Variants in IDI1 observed in about 807,000 individuals in gnomAD.
IDI1 encodes the protein isopentenyl-diphosphate delta isomerase 1, also known as isopentenyl-diphosphate Delta-isomerase 1.
Under a neutral mutation model 32.9 loss-of-function variants are expected in IDI1, and 23 were observed. The ratio of observed to expected loss-of-function variants is 0.70; its 90% CI spans 0.50 to 0.99. The LOEUF (loss-of-function observed/expected upper bound fraction) is 0.99. IDI1 is among the 50% of genes least tolerant of loss of function. IDI1 has a pLI of 0.00. For synonymous variants in IDI1, 133 were observed against 128.2 expected (o/e 1.04, Z -0.25); for missense variants, 326 against 351.9 (o/e 0.93, Z 0.59).
upstream of IDI1, among the ~76,000 whole-genome samples, chr10:1,051,052 CT>C (rs1832998198): frequency 1.3e-5 from 2 of 152,262 alleles, no homozygotes; most frequent in Admixed American, 1.3e-4. Context: ...ACATTTTGTA[CT>C]TGTTACATTA....
chr10:1,041,455 T>G lies in IDI1; in HGVS notation c.587A>C (p.Gln196Pro), dbSNP rs750432879. Residue 196 changes from glutamine (Q) to proline (P), a missense_variant, in exon 5 of 5, where the codon CAG becomes CCG. This residue lies in a region of IDI1 where 205 missense variants were observed against 273.5 expected (regional missense o/e 0.75). Coordinates refer to ENST00000381344, the MANE Select transcript of IDI1 (RefSeq NM_004508.4). ...NYLTRIHYKA[Q>P]SDGIWGEHEI... ...ATGTTCACCCCAGATACCATCAGAC[T>G]GAGCTTTGTAGTGAATTCGTGTTAA... The G allele has an allele frequency of 1.9e-6, 3 of 1,607,740 alleles. No homozygotes were observed. Among genetic ancestry groups the G allele is most frequent in the Admixed American group, 3.3e-5 (2 of 59,730 alleles).
Position 1,040,706 on chromosome 10 carries a change from A to G in IDI1, c.*481T>C, listed in dbSNP as rs1395194521. 3 of 154,020 alleles carry G rather than the reference A, an allele frequency of 1.9e-5. No individual in the cohort carries two copies. Among genetic ancestry groups the G allele is most frequent in the Admixed American group, 6.4e-5 (1 of 15,588 alleles). 9.5% of individuals were successfully genotyped at this position (154,020 alleles called of 1,614,324 possible). A position where few individuals can be genotyped will look rare whatever the true frequency, so the allele number is the denominator to read the frequency against. ...CTGCTAGTTTAATCTGCTAATATGA[A>G]AGTTAATTAAGACTGTTTTGAAGGA... On this transcript the variant is annotated 3_prime_UTR_variant, in exon 5 of 5. Coordinates refer to ENST00000381344, the MANE Select transcript of IDI1 (RefSeq NM_004508.4).
In IDI1 at chr10:1,044,113, C is replaced by G; in HGVS notation, c.199G>C (p.Asp67His). The G allele has an allele frequency of 6.2e-7, 1 of 1,613,678 alleles. No homozygotes were observed. Among genetic ancestry groups the G allele is most frequent in the South Asian group, 1.1e-5 (1 of 91,052 alleles). ...GCCAGGAGTTGAACCTGTTGCTTGTCGAGGTGGTTAGTGTTTATTTCAGGC... is the reference window on the plus strand; with the variant it reads ...GCCAGGAGTTGAACCTGTTGCTTGTGGAGGTGGTTAGTGTTTATTTCAGGC... ...MMPEINTNHLDKQQVQLLAEM... is the reference protein window; with the variant it reads ...MMPEINTNHLHKQQVQLLAEM... Residue 67 changes from aspartate (D) to histidine (H), a missense_variant, in exon 2 of 5, where the codon GAC becomes CAC. Physicochemically the swap from Asp to His is moderately conservative, Grantham distance 81. This residue lies in a region of IDI1 where 205 missense variants were observed against 273.5 expected (regional missense o/e 0.75). Coordinates refer to ENST00000381344, the MANE Select transcript of IDI1 (RefSeq NM_004508.4).
At position 1,043,740 on chromosome 10, in the gene IDI1, G is replaced by T. The variant is rs565375509; in HGVS notation, c.313+259C>A. ...AAATATTAGAGGCTAGGCTGCTGCT[G>T]TATGTCAGGGCTAGTCCCTCTTCTA... On this transcript the variant is annotated intron_variant, in intron 2 of 4. Coordinates refer to ENST00000381344, the MANE Select transcript of IDI1 (RefSeq NM_004508.4). The T allele has an allele frequency of 2.0e-4, 135 of 660,208 alleles. 1 individual carries two copies. Among genetic ancestry groups the T allele is most frequent in the Admixed American group, 1.6e-3 (78 of 48,556 alleles). 40.9% of individuals were successfully genotyped at this position (660,208 alleles called of 1,614,324 possible).
At chr10:1,049,512 GCTGCACGGGGAGTT>G (rs888609618), upstream of IDI1, 8 of 158,394 alleles carry the variant, frequency 5.1e-5, no homozygotes, top group African/African-American at 2.0e-4. Flanking sequence ...ACAGCGTTTG[GCTGCACGGGGAGTT>G]CTCGTATGTC....
At chr10:1,045,927 G>A (rs1403125527) in intron 1 of IDI1, among the ~76,000 whole-genome samples, 4 of 151,980 alleles carry the variant, frequency 2.6e-5, no homozygotes, top group African/African-American at 7.3e-5. Flanking sequence ...TGATGATGGA[G>A]ATATTGATAT....
intron 1 of IDI1, chr10:1,048,629 C>T: frequency 2.1e-6 from 3 of 1,408,778 alleles, no homozygotes; most frequent in East Asian, 5.5e-5. Flanking sequence ...GGCAACGTCT[C>T]TGACGCCCCG....
chr10:1,043,595 A>G (rs1012728929), intron 2 of IDI1: 5 of 681,826 alleles, frequency 7.3e-6, no homozygotes, highest in Non-Finnish European at 1.3e-5. Context: ...GAGTGAAGGA[A>G]ATGGTGATGC....
rs190569698 is a variant in IDI1 at position 1,043,619 on chromosome 10, C to T, written c.314-226G>A. 1.4e-3 allele frequency: 915 copies of T among 667,408 alleles called. 8 individuals are homozygous for T. The highest frequency in any genetic ancestry group is 0.013 in the African/African-American group (745 of 56,616). 41.3% of individuals were successfully genotyped at this position (667,408 alleles called of 1,614,324 possible). Reference sequence around the variant, plus strand: ...AAATGGTGATGCTGGTGGCCCCTTTCCGGCAGTCAAGTTCCCTATCAAGGA... The same window carrying T: ...AAATGGTGATGCTGGTGGCCCCTTTTCGGCAGTCAAGTTCCCTATCAAGGA... On this transcript the variant is annotated intron_variant, in intron 2 of 4. Transcript: ENST00000381344.
Position 1,040,006 on chromosome 10 carries a change from A to G in IDI1, c.*1181T>C, listed in dbSNP as rs527940277. The G allele has an allele frequency of 2.6e-5, 4 of 152,356 alleles. No homozygotes were observed. In the East Asian group the frequency reaches 7.7e-4, roughly 29 times the overall value. 9.4% of individuals were successfully genotyped at this position (152,356 alleles called of 1,614,324 possible). A position where few individuals can be genotyped will look rare whatever the true frequency, so the allele number is the denominator to read the frequency against. ...AAGTTAACCATAAATGAGTCATTCT[A>G]TTGAATTTAACAAACATTTAACTTT... On this transcript the variant is annotated 3_prime_UTR_variant, in exon 5 of 5. Coordinates refer to ENST00000381344, the MANE Select transcript of IDI1 (RefSeq NM_004508.4).
intron 1 of IDI1, among the ~76,000 whole-genome samples, chr10:1,047,785 A>T (rs923213564): frequency 6.6e-6 from 1 of 152,226 alleles, no homozygotes; most frequent in Non-Finnish European, 1.5e-5. Context: ...TCTGTAGATG[A>T]TCTCTTATAG....
chr10:1,044,585 A>G (rs1364902241), intron 1 of IDI1, among the ~76,000 whole-genome samples: 2 of 152,080 alleles, frequency 1.3e-5, no homozygotes, highest in Non-Finnish European at 2.9e-5. Context: ...TGTTTTTCCC[A>G]CTGCCTGTCT....
At chr10:1,045,524 T>C (rs1832774581) in intron 1 of IDI1, among the ~76,000 whole-genome samples, 1 of 152,266 alleles carries the variant, frequency 6.6e-6, no homozygotes, top group Non-Finnish European at 1.5e-5. Context: ...TGGAATGCAA[T>C]GGTGCAATCT....
rs919956995 is a variant in IDI1 at position 1,048,614 on chromosome 10, AGAAT to A, written c.140+246_140+249del. 6 of 1,399,296 alleles carry A rather than the reference AGAAT, an allele frequency of 4.3e-6. No individual in the cohort carries two copies. The African/African-American group carries it at 8.9e-5, about 21-fold the overall frequency. The allele number at this position is 1,399,296 out of a possible 1,614,324, so 86.7% of individuals were successfully genotyped here. ...AGACGACGATCTTTTCCGCTGACAA[AGAAT>A]GGCAACGTCTCTGACGCCCCGACTC... On this transcript the variant is annotated intron_variant, in intron 1 of 4. Coordinates refer to ENST00000381344, the MANE Select transcript of IDI1 (RefSeq NM_004508.4).
upstream of IDI1, among the ~76,000 whole-genome samples, chr10:1,051,871 C>T (rs971022407): frequency 6.6e-6 from 1 of 152,030 alleles, no homozygotes; most frequent in African/African-American, 2.4e-5. Flanking sequence ...TTTTTTTAAA[C>T]CACAGGAAAA....
At chr10:1,048,428 G>A (rs1041720924) in intron 1 of IDI1, 2 of 1,290,886 alleles carry the variant, frequency 1.5e-6, no homozygotes, top group African/African-American at 1.5e-5. Context: ...CGCGTCACAC[G>A]CGTGGACTCG....
rs1222353967 is a variant in IDI1 at position 1,040,397 on chromosome 10, T to C, written c.*790A>G. The stretch of plus-strand genomic sequence containing the variant: ...ACAGCACAGACCCCACCACAGGGGT[T>C]TTATCCAGCCCAAATGTCAACAGTG... On this transcript the variant is annotated 3_prime_UTR_variant, in exon 5 of 5. Coordinates refer to ENST00000381344, the MANE Select transcript of IDI1 (RefSeq NM_004508.4). The C allele has an allele frequency of 1.3e-5, 2 of 152,244 alleles. No homozygotes were observed. Among genetic ancestry groups the C allele is most frequent in the African/African-American group, 4.8e-5 (2 of 41,454 alleles). 9.4% of individuals were successfully genotyped at this position (152,244 alleles called of 1,614,324 possible).
At position 1,048,987 on chromosome 10, in the gene IDI1, G is replaced by C. The variant is rs774007206; in HGVS notation, c.17C>G (p.Ala6Gly). The change falls in exon 1 of 5, where the codon GCG becomes GGG. Residue 6 changes from alanine to glycine, a missense_variant. Physicochemically the swap from Ala to Gly is moderately conservative, Grantham distance 60. Around this residue, in one of 2 missense-constraint regions of IDI1, gnomAD observed 121 missense variants for 78.4 expected, o/e 1.54. Transcript: ENST00000381344. ...CGCGCAGCCAATCGCTCGCGCCAGC[G>C]CCAGTCCACGCCACATCGCCCGGCC... MWRGL[A>G]LARAIGCAAR... is the part of the protein sequence containing the mutation. 6.0e-6 allele frequency: 9 copies of C among 1,512,556 alleles called. No homozygotes were observed. The highest frequency in any genetic ancestry group is 7.0e-6 in the Non-Finnish European group (8 of 1,137,836). The allele number at this position is 1,512,556 out of a possible 1,614,324, so 93.7% of individuals were successfully genotyped here.
intron 1 of IDI1, among the ~76,000 whole-genome samples, chr10:1,045,880 T>A (rs936925154): frequency 2.0e-5 from 1 of 49,352 alleles, no homozygotes; most frequent in Non-Finnish European, 4.5e-5. Flanking sequence ...TGTGTGTGTG[T>A]GTGTGTGTGT....
Sources: gnomAD v4.1 joint callset for allele counts (sites outside exome capture counted in the v4.1 genomes callset) on GRCh38, gnomAD v4.1.1 for gene constraint, gnomAD v4.1.1 regional missense constraint, MANE v1.5 for transcripts, NCBI Gene and HGNC (gene_info 2026-07-23, HGNC 2026-07-21) for gene names.